UMAD1: variants seen among roughly 807,000 people sequenced by gnomAD.
UMAD1 encodes UBAP1-MVB12-associated (UMA)-domain containing protein 1.
UMAD1 carries 8 observed loss-of-function variants against 6.1 expected under a neutral mutation model. The ratio of observed to expected loss-of-function variants is 1.30; its 90% CI spans 0.76 to 2.35. The LOEUF (loss-of-function observed/expected upper bound fraction) is 2.35. Ranked by LOEUF, UMAD1 falls within the 30% of genes most tolerant of loss-of-function variation. The pLI is 0.00. For synonymous variants in UMAD1, 56 were observed against 31.4 expected, an observed-to-expected ratio of 1.78 and a Z score of -2.61; for missense variants, 130 against 78.4, an observed-to-expected ratio of 1.66 and a Z score of -2.49.
In UMAD1 at chr7:7,847,805, C is replaced by A. The variant is rs535520788; in HGVS notation, c.157-29476C>A. Among the ~76,000 whole-genome samples, 264 of 152,244 alleles carry A rather than the reference C, an allele frequency of 1.7e-3. 1 individual carries two copies. The highest frequency in any genetic ancestry group is 2.9e-3 in the Non-Finnish European group (198 of 68,004). ...GCTCAAAGCAATTCTTCTGCCTCAGCCTGTCAAAATGCTGGGATTACAGGC... is the reference window on the plus strand; with the variant it reads ...GCTCAAAGCAATTCTTCTGCCTCAGACTGTCAAAATGCTGGGATTACAGGC... On this transcript the variant is annotated intron_variant, in intron 3 of 3. Coordinates refer to ENST00000682710, the MANE Select transcript of UMAD1 (RefSeq NM_001302348.2).
intron 3 of UMAD1, among the ~76,000 whole-genome samples, chr7:7,871,187 A>G (rs1784325327): frequency 1.3e-5 from 2 of 152,176 alleles, no homozygotes; most frequent in African/African-American, 4.8e-5. Flanking sequence ...TGTCACCTTA[A>G]TGATTTTCTC....
chr7:7,827,137 ATATATATATATG>A (rs1175470336), intron 3 of UMAD1, among the ~76,000 whole-genome samples: 3 of 129,548 alleles, frequency 2.3e-5, no homozygotes, highest in Admixed American at 7.6e-5. Context: ...ATATATATAT[ATATATATATATG>A]TGTGTGTGTG....
At chr7:7,647,323 C>G (rs1282639129) in intron 1 of UMAD1, among the ~76,000 whole-genome samples, 2 of 152,076 alleles carry the variant, frequency 1.3e-5, no homozygotes, top group African/African-American at 2.4e-5. Context: ...GCATTATAAT[C>G]TGAGGGTATG....
At chr7:7,876,752 TG>T (rs1055444416) in intron 3 of UMAD1, among the ~76,000 whole-genome samples, 1 of 152,208 alleles carries the variant, frequency 6.6e-6, no homozygotes, top group Non-Finnish European at 1.5e-5. Context: ...TACAAAGATA[TG>T]CCAGATAGAC....
At chr7:7,876,555 T>A (rs560162932) in intron 3 of UMAD1, among the ~76,000 whole-genome samples, 1 of 152,328 alleles carries the variant, frequency 6.6e-6, no homozygotes, top group African/African-American at 2.4e-5. Context: ...TTAGGTGATT[T>A]GCAAGACATA....
intron 2 of UMAD1, among the ~76,000 whole-genome samples, chr7:7,763,290 AG>A (rs762640909): frequency 1.3e-5 from 2 of 152,136 alleles, no homozygotes; most frequent in Non-Finnish European, 2.9e-5. Flanking sequence ...TTTAGATACA[AG>A]GGGTGCATGC....
intron 2 of UMAD1, among the ~76,000 whole-genome samples, chr7:7,757,953 G>T (rs1340088477): frequency 2.0e-5 from 3 of 152,106 alleles, no homozygotes; most frequent in African/African-American, 7.2e-5. Flanking sequence ...GAAGTTTTGG[G>T]GTAGGGGTCA....
intron 2 of UMAD1, among the ~76,000 whole-genome samples, chr7:7,790,658 A>G (rs933468041): frequency 2.0e-5 from 3 of 152,216 alleles, no homozygotes; most frequent in Admixed American, 6.5e-5. Flanking sequence ...CTTTCCTGAT[A>G]CGAACACTTT....
At chr7:7,683,913 G>T (rs1444433006) in intron 2 of UMAD1, among the ~76,000 whole-genome samples, 1 of 152,168 alleles carries the variant, frequency 6.6e-6, no homozygotes, top group African/African-American at 2.4e-5. Context: ...GTGAGCCACT[G>T]CTTCCAGCCA....
chr7:7,708,561 A>G (rs1487841210), intron 2 of UMAD1, among the ~76,000 whole-genome samples: 1 of 152,206 alleles, frequency 6.6e-6, no homozygotes, highest in Non-Finnish European at 1.5e-5. Flanking sequence ...ATAACTTGAA[A>G]CATTGAAAGG....
intron 2 of UMAD1, among the ~76,000 whole-genome samples, chr7:7,705,105 G>T (rs908170097): frequency 6.6e-6 from 1 of 152,118 alleles, no homozygotes; most frequent in African/African-American, 2.4e-5. Flanking sequence ...CTCCTGTTCT[G>T]ACATGTTGTA....
chr7:7,674,826 G>A (rs1430087099), intron 2 of UMAD1, among the ~76,000 whole-genome samples: 3 of 152,054 alleles, frequency 2.0e-5, no homozygotes, highest in Non-Finnish European at 4.4e-5. Flanking sequence ...AACTTCAGGG[G>A]TACATCAGGC....
intron 2 of UMAD1, among the ~76,000 whole-genome samples, chr7:7,747,552 CACTT>C (rs1781596012): frequency 6.6e-6 from 1 of 152,170 alleles, no homozygotes; most frequent in South Asian, 2.1e-4. Flanking sequence ...GTTATCATGA[CACTT>C]AGTAATTATG....
chr7:7,861,893 C>A (rs549775869), intron 3 of UMAD1, among the ~76,000 whole-genome samples: 105 of 152,244 alleles, frequency 6.9e-4, no homozygotes, highest in Non-Finnish European at 3.2e-4. Context: ...GAAACAGTGG[C>A]AAAGCATACA....
chr7:7,855,399 A>G (rs1446661630), intron 3 of UMAD1, among the ~76,000 whole-genome samples: 1 of 152,240 alleles, frequency 6.6e-6, no homozygotes, highest in African/African-American at 2.4e-5. Flanking sequence ...AAATCTAGGC[A>G]AAGGTTCCCA....
At position 7,672,374 on chromosome 7, in the gene UMAD1, G is replaced by A. The variant is rs28915990; in HGVS notation, c.-63-935G>A. Among the ~76,000 whole-genome samples the A allele has an allele frequency of 2.7e-3, 410 of 152,270 alleles. 2 individuals carry two copies. The highest frequency in any genetic ancestry group is 0.014 in the South Asian group (68 of 4,834). On this transcript the variant is annotated intron_variant, in intron 1 of 3. Coordinates refer to ENST00000682710, the MANE Select transcript of UMAD1 (RefSeq NM_001302348.2). The stretch of plus-strand genomic sequence containing the variant: ...TGTATGTGTGCTTGTATTTGTGTGC[G>A]TGTGAGCATGTGTGTATGAGGGATG...
At chr7:7,818,619 C>T (rs1015498288) in intron 3 of UMAD1, among the ~76,000 whole-genome samples, 14 of 146,292 alleles carry the variant, frequency 9.6e-5, no homozygotes, top group African/African-American at 3.3e-4. Context: ...TCCTCAAAGA[C>T]CTAAAGACAG....
intron 2 of UMAD1, among the ~76,000 whole-genome samples, chr7:7,763,609 G>A (rs555037494): frequency 6.6e-6 from 1 of 152,202 alleles, no homozygotes; most frequent in Non-Finnish European, 1.5e-5. Context: ...GGGCGTGGTG[G>A]CTTACGCCTG....
intron 2 of UMAD1, among the ~76,000 whole-genome samples, chr7:7,790,499 C>G (rs552219859): frequency 6.6e-6 from 1 of 152,174 alleles, no homozygotes; most frequent in Admixed American, 6.5e-5. Flanking sequence ...TGGATTCAGG[C>G]CCATTCAGGC....
Sources: allele counts gnomAD v4.1 joint callset (sites outside exome capture counted in the v4.1 genomes callset), GRCh38; gene constraint gnomAD v4.1.1; transcripts MANE v1.5; gene names NCBI Gene and HGNC (gene_info 2026-07-23, HGNC 2026-07-21).